Variants in FCHSD2 observed in about 807,000 individuals in gnomAD.
The protein encoded by FCHSD2 is FCH and double SH3 domains 2.
Under a neutral mutation model 108.1 loss-of-function variants are expected in FCHSD2, and 38 were observed. The observed-to-expected ratio is 0.35, with a 90% CI of 0.27 to 0.46. The LOEUF (loss-of-function observed/expected upper bound fraction) is 0.46. FCHSD2 is among the 20% of genes least tolerant of loss of function. The pLI is 1.00. For missense variants in FCHSD2, 751 were observed against 897.8 expected (o/e 0.84, Z 2.09); for synonymous variants, 279 against 314.7 (o/e 0.89, Z 1.20).
At chr11:73,036,336 A>C (rs191540603) in intron 3 of FCHSD2, among the ~76,000 whole-genome samples, 4 of 152,010 alleles carry the variant, frequency 2.6e-5, no homozygotes, top group African/African-American at 7.3e-5. Flanking sequence ...AAAAAAAAAA[A>C]CCCAAGCTTC....
intron 8 of FCHSD2, among the ~76,000 whole-genome samples, chr11:72,938,002 G>T (rs1399086218): frequency 1.3e-5 from 2 of 152,156 alleles, no homozygotes; most frequent in Non-Finnish European, 2.9e-5. Flanking sequence ...ATGCTGGCTG[G>T]AGTCTCTAAG....
intron 12 of FCHSD2, among the ~76,000 whole-genome samples, chr11:72,873,186 G>A (rs1168351576): frequency 3.3e-5 from 5 of 151,836 alleles, no homozygotes; most frequent in East Asian, 3.9e-4. Flanking sequence ...AAAATTAGCC[G>A]GACACGGTGG....
Position 72,988,996 on chromosome 11 carries a change from A to C in FCHSD2, c.489T>G (p.His163Gln). The C allele has an allele frequency of 1.2e-6, 2 of 1,612,624 alleles. No individual in the cohort carries two copies. Among genetic ancestry groups the C allele is most frequent in the Non-Finnish European group, 1.7e-6 (2 of 1,179,194 alleles). Residue 163 changes from histidine (H) to glutamine (Q), a missense_variant, in exon 6 of 20, where the codon CAT (histidine) becomes CAG (glutamine). Transcript: ENST00000409418. ...KKYFETEQMAHAVREKADIEA... is the reference protein window; with the variant it reads ...KKYFETEQMAQAVREKADIEA... ...CGATGTCAGCTTTCTCTCGTACTGCATGAGCCATCTGTTCAGTCTCAAAGT... is the reference window on the plus strand; with the variant it reads ...CGATGTCAGCTTTCTCTCGTACTGCCTGAGCCATCTGTTCAGTCTCAAAGT...
chr11:73,109,854 G>T (rs1168600708), intron 2 of FCHSD2, among the ~76,000 whole-genome samples: 2 of 152,068 alleles, frequency 1.3e-5, no homozygotes, highest in Non-Finnish European at 2.9e-5. Context: ...GGCTTTTATT[G>T]TGTTGAGGTA....
intron 13 of FCHSD2, among the ~76,000 whole-genome samples, chr11:72,865,417 A>G (rs1442436865): frequency 3.3e-5 from 5 of 152,174 alleles, no homozygotes; most frequent in Admixed American, 3.3e-4. Flanking sequence ...AGGCTCCATA[A>G]GAGTGATGAG....
At chr11:72,999,261 T>C (rs1254947506) in intron 5 of FCHSD2, among the ~76,000 whole-genome samples, 1 of 151,640 alleles carries the variant, frequency 6.6e-6, no homozygotes, top group South Asian at 2.1e-4. Flanking sequence ...TCAGCAATAA[T>C]ATAAAACAAG....
intron 12 of FCHSD2, among the ~76,000 whole-genome samples, chr11:72,885,266 A>C (rs1486486837): frequency 6.6e-6 from 1 of 152,188 alleles, no homozygotes; most frequent in Non-Finnish European, 1.5e-5. Context: ...CAGTAAAATT[A>C]ATTAAATGCT....
chr11:72,968,242 C>T (rs1856949970), intron 8 of FCHSD2, among the ~76,000 whole-genome samples: 1 of 152,152 alleles, frequency 6.6e-6, no homozygotes, highest in Non-Finnish European at 1.5e-5. Context: ...ACTTTCTGAA[C>T]AAATGAAAAT....
intron 12 of FCHSD2, among the ~76,000 whole-genome samples, chr11:72,884,998 A>G (rs1855167189): frequency 6.6e-6 from 1 of 152,202 alleles, no homozygotes. Context: ...ATAGGTATTT[A>G]TAATAAATAA....
intron 3 of FCHSD2, among the ~76,000 whole-genome samples, chr11:73,061,598 T>C (rs979805163): frequency 6.6e-6 from 1 of 152,134 alleles, no homozygotes; most frequent in African/African-American, 2.4e-5. Context: ...CAGTCTGAGA[T>C]CGACCTGGGA....
At chr11:72,896,840 T>C (rs1855430694) in intron 10 of FCHSD2, among the ~76,000 whole-genome samples, 1 of 151,762 alleles carries the variant, frequency 6.6e-6, no homozygotes, top group Non-Finnish European at 1.5e-5. Flanking sequence ...TGTTTTGTTT[T>C]GTTTGAGACA....
intron 3 of FCHSD2, among the ~76,000 whole-genome samples, chr11:73,033,595 T>C (rs900604877): frequency 3.3e-5 from 5 of 152,146 alleles, no homozygotes; most frequent in Admixed American, 3.3e-4. Context: ...TTAAAAGATA[T>C]GAAGCAACTA....
chr11:72,921,034 C>G (rs1379493068), intron 9 of FCHSD2, among the ~76,000 whole-genome samples: 2 of 151,864 alleles, frequency 1.3e-5, no homozygotes, highest in Admixed American at 6.6e-5. Flanking sequence ...TATCCTGATC[C>G]CTCTCCTAAA....
At chr11:73,025,533 T>A (rs1483067300) in intron 3 of FCHSD2, among the ~76,000 whole-genome samples, 1 of 152,086 alleles carries the variant, frequency 6.6e-6, no homozygotes, top group Admixed American at 6.6e-5. Context: ...AAAAAATAAC[T>A]AATGGGTACT....
intron 8 of FCHSD2, among the ~76,000 whole-genome samples, chr11:72,959,892 G>A (rs1856792628): frequency 6.9e-6 from 1 of 144,502 alleles, no homozygotes; most frequent in South Asian, 2.3e-4. Context: ...GTGTATGTGT[G>A]ATATCAATAT....
intron 3 of FCHSD2, among the ~76,000 whole-genome samples, chr11:73,041,154 A>G (rs1858627862): frequency 6.6e-6 from 1 of 152,200 alleles, no homozygotes; most frequent in African/African-American, 2.4e-5. Flanking sequence ...GGTTGATTCC[A>G]TAACTTGGCT....
At position 72,954,196 on chromosome 11, in the gene FCHSD2, A is replaced by AATTTTTTTTTTTTTTTTTTT. The variant is rs1565339614; in HGVS notation, c.705+29891_705+29892insAAAAAAAAAAAAAAAAAAAT. 3.0e-4 allele frequency among the ~76,000 whole-genome samples: 34 copies of AATTTTTTTTTTTTTTTTTTT among 111,702 alleles called. 10 individuals are homozygous for AATTTTTTTTTTTTTTTTTTT. Among genetic ancestry groups the AATTTTTTTTTTTTTTTTTTT allele is most frequent in the Non-Finnish European group, 2.9e-4 (16 of 55,680 alleles). 73.3% of individuals were successfully genotyped at this position (111,702 alleles called of 152,430 possible). A position where few individuals can be genotyped will look rare whatever the true frequency, so the allele number is the denominator to read the frequency against. On this transcript the variant is annotated intron_variant, in intron 8 of 19. Transcript: ENST00000409418. ...TAGAATATTAGCAGTAGATGTGGGG[A>AATTTTTTTTTTTTTTTTTTT]TTTTTTTTTTTTTTTTTTTTTTTTT...
chr11:72,852,448 A>G lies in FCHSD2; in HGVS notation c.1309-2559T>C, dbSNP rs937646225. ...AGTGGTGGCTCATGCCTGTAATCCCAGCACTTTGGAAGGCTAAAGTGGGTG... is the reference window on the plus strand; with the variant it reads ...AGTGGTGGCTCATGCCTGTAATCCCGGCACTTTGGAAGGCTAAAGTGGGTG... On this transcript the variant is annotated intron_variant, in intron 13 of 19. Transcript: ENST00000409418. Among the ~76,000 whole-genome samples, 7 of 152,170 alleles carry G rather than the reference A, an allele frequency of 4.6e-5. No homozygotes were observed. In the South Asian group the frequency reaches 8.3e-4, roughly 18 times the overall value.
chr11:72,993,885 T>C (rs575387943), intron 5 of FCHSD2, among the ~76,000 whole-genome samples: 192 of 152,154 alleles, frequency 1.3e-3, no homozygotes, highest in Admixed American at 4.2e-3. Flanking sequence ...TGTGCACATG[T>C]ACCCTAAAAC....
Sources: gnomAD v4.1 joint callset for allele counts (sites outside exome capture counted in the v4.1 genomes callset) on GRCh38, gnomAD v4.1.1 for gene constraint, MANE v1.5 for transcripts, NCBI Gene and HGNC (gene_info 2026-07-23, HGNC 2026-07-21) for gene names.